MRPS24: variants seen among roughly 807,000 people sequenced by gnomAD.
The protein encoded by MRPS24 is mitochondrial ribosomal protein S24, also known as small ribosomal subunit protein uS3m.
A neutral mutation model predicts 21.8 loss-of-function variants in MRPS24; 15 were observed. The observed-to-expected ratio is 0.69, with a 90% confidence interval of 0.46 to 1.06. MRPS24 has a LOEUF of 1.06. Among genes scored for constraint, MRPS24 ranks in the 50% least tolerant of loss-of-function variants. The pLI is 0.00. For synonymous variants in MRPS24, 93 were observed against 93.7 expected, an observed-to-expected ratio of 0.99 and a Z score of 0.04; for missense variants, 224 against 219.1, an observed-to-expected ratio of 1.02 and a Z score of -0.14.
chr7:43,866,587 A>G lies in MRPS24; in HGVS notation c.*112T>C. ...ATAGAAGGTCTTTATTCAATAGCAG[A>G]TGAGAGACTATGCCTCAGTCCTCTG... On this transcript the variant is annotated 3_prime_UTR_variant, in exon 4 of 4. Coordinates refer to ENST00000317534, the MANE Select transcript of MRPS24 (RefSeq NM_032014.3). 1 of 1,221,756 alleles carries G rather than the reference A, an allele frequency of 8.2e-7. No homozygotes were observed. The highest frequency in any genetic ancestry group is 2.1e-5 in the Admixed American group (1 of 46,748). 75.7% of individuals were successfully genotyped at this position (1,221,756 alleles called of 1,614,324 possible).
Position 43,866,813 on chromosome 7 carries a change from G to C in MRPS24, c.390C>G (p.His130Gln), listed in dbSNP as rs1218509580. ...CAVVLRQLSPHKYYFLVGYSE... is the reference protein window; with the variant it reads ...CAVVLRQLSPQKYYFLVGYSE... ...TGTAGCCCACGAGGAAGTAGTACTTGTGTGGAGACAACTGCCTCAGGACCA... is the reference window on the plus strand; with the variant it reads ...TGTAGCCCACGAGGAAGTAGTACTTCTGTGGAGACAACTGCCTCAGGACCA... The change falls in exon 4 of 4, where the codon CAC becomes CAG. Residue 130 changes from histidine to glutamine, a missense_variant. By Grantham distance (24) the His-to-Gln change is conservative (BLOSUM62 0). Transcript: ENST00000317534. 17 of 1,614,248 alleles carry C rather than the reference G, an allele frequency of 1.1e-5. No individual in the cohort carries two copies. The highest frequency in any genetic ancestry group is 1.3e-5 in the Non-Finnish European group (15 of 1,180,038).
intron 3 of MRPS24, 39 bp downstream of exon 3, chr7:43,868,924 G>A (rs1290790133): frequency 1.2e-6 from 2 of 1,602,774 alleles, no homozygotes; most frequent in South Asian, 2.2e-5. Context: ...CATGACAGTC[G>A]GATTGAGTGC....
chr7:43,867,114 C>T, intron 3 of MRPS24, 132 bp from the exon 4 acceptor site: 1 of 872,728 alleles, frequency 1.1e-6, no homozygotes, highest in South Asian at 1.7e-5. Context: ...TTTTCTTCTG[C>T]TAATGGAATA....
Position 43,869,473 on chromosome 7 carries a change from C to G in MRPS24, c.23G>C (p.Gly8Ala). The G allele has an allele frequency of 3.2e-6, 5 of 1,569,300 alleles. No individual in the cohort carries two copies. Among genetic ancestry groups the G allele is most frequent in the Non-Finnish European group, 4.3e-6 (5 of 1,158,460 alleles). The change falls in exon 1 of 4, where the codon GGG (glycine) becomes GCG (alanine). Residue 8 changes from glycine (G) to alanine (A), a missense_variant. Physicochemically the swap from Gly to Ala is moderately conservative, Grantham distance 60. Transcript: ENST00000317534. This position sits in a 1 kb window ranked among gnomAD's most constrained non-coding sequence, Gnocchi z 4.8. MAASVCS[G>A]LLGPRVLSWS... ...CCCACTCACCCGTGGCCCCAGCAAC[C>G]CGCTGCACACGGAGGCCGCCATCTT...
chr7:43,869,139 C>G lies in MRPS24; in HGVS notation c.109-65G>C, dbSNP rs183695189. 2 of 1,541,074 alleles carry G rather than the reference C, an allele frequency of 1.3e-6. No homozygotes were observed. The highest frequency in any genetic ancestry group is 2.4e-5 in the East Asian group (1 of 41,926). Reference sequence around the variant, plus strand: ...TCCAGACCCCTACTTCGCGCCATGTCCCCCCAGTCAGCTGGCACTGTTCCC... The same window carrying G: ...TCCAGACCCCTACTTCGCGCCATGTGCCCCCAGTCAGCTGGCACTGTTCCC... On this transcript the variant is annotated intron_variant, in intron 2 of 3. Transcript: ENST00000317534. The surrounding 1 kb of genome is among the most constrained non-coding windows in gnomAD (Gnocchi z 4.8).
chr7:43,868,748 C>T, intron 3 of MRPS24: 1 of 525,856 alleles, frequency 1.9e-6, no homozygotes, highest in Non-Finnish European at 3.2e-6. Flanking sequence ...TCCCTGCCTG[C>T]CATGGAAAAA....
rs2095836544 is a variant in MRPS24, at chr7:43,866,662, C to T, written c.*37G>A. ...CATTCCTTTCCCACGTTTCCATTCT[C>T]TGCAGGCTACAGCTTGATGGAAAAA... On this transcript the variant is annotated 3_prime_UTR_variant, in exon 4 of 4. Transcript: ENST00000317534. The T allele has an allele frequency of 1.9e-6, 3 of 1,603,542 alleles. No homozygotes were observed. The African/African-American group carries it at 4.0e-5, about 21-fold the overall frequency.
In MRPS24 at chr7:43,869,301, T is replaced by A; in HGVS notation, c.108+7A>T. The A allele has an allele frequency of 2.5e-6, 3 of 1,209,726 alleles. No homozygotes were observed. The highest frequency in any genetic ancestry group is 3.3e-6 in the Non-Finnish European group (3 of 905,632). The allele number at this position is 1,209,726 out of a possible 1,614,324, so 74.9% of individuals were successfully genotyped here. ...GGCCCCCAGGCCCCTGCCCCGGCGG[T>A]GCTCACCTTGGCGCAGACCGGGGAG... is the stretch of plus-strand genomic sequence containing the variant. On this transcript the variant is annotated splice_region_variant and intron_variant, in intron 2 of 3. Coordinates refer to ENST00000317534, the MANE Select transcript of MRPS24 (RefSeq NM_032014.3). This position sits in a 1 kb window ranked among gnomAD's most constrained non-coding sequence, Gnocchi z 4.8.
At chr7:43,867,009 A>G in intron 3 of MRPS24, 27 bp from the exon 4 acceptor site, 1 of 1,607,904 alleles carries the variant, frequency 6.2e-7, no homozygotes, top group Non-Finnish European at 8.5e-7. Flanking sequence ...ATAATAGAAG[A>G]ATCAGCCTCA....
Position 43,869,136 on chromosome 7 carries a change from T to C in MRPS24, c.109-62A>G. 3 of 1,550,524 alleles carry C rather than the reference T, an allele frequency of 1.9e-6. No individual in the cohort carries two copies. Among genetic ancestry groups the C allele is most frequent in the Non-Finnish European group, 2.6e-6 (3 of 1,152,114 alleles). ...CGATCCAGACCCCTACTTCGCGCCA[T>C]GTCCCCCCAGTCAGCTGGCACTGTT... is the stretch of plus-strand genomic sequence containing the variant. On this transcript the variant is annotated intron_variant, in intron 2 of 3. Coordinates refer to ENST00000317534, the MANE Select transcript of MRPS24 (RefSeq NM_032014.3). This position sits in a 1 kb window ranked among gnomAD's most constrained non-coding sequence, Gnocchi z 4.8.
Position 43,869,254 on chromosome 7 carries a change from G to A in MRPS24, c.108+54C>T. On this transcript the variant is annotated intron_variant, in intron 2 of 3. Coordinates refer to ENST00000317534, the MANE Select transcript of MRPS24 (RefSeq NM_032014.3). This position sits in a 1 kb window ranked among gnomAD's most constrained non-coding sequence, Gnocchi z 4.8. ...CCCTTCAGCCCGCACGGCTTCCCCG[G>A]CCCCCGGCCCCCCGGCCCCCAGGCC... The A allele has an allele frequency of 6.8e-7, 1 of 1,475,064 alleles. No individual in the cohort carries two copies. The highest frequency in any genetic ancestry group is 9.0e-7 in the Non-Finnish European group (1 of 1,114,144). 91.4% of individuals were successfully genotyped at this position (1,475,064 alleles called of 1,614,324 possible).
intron 3 of MRPS24, 52 bp from the exon 4 acceptor site, chr7:43,867,034 T>G: frequency 1.9e-6 from 3 of 1,581,240 alleles, no homozygotes; most frequent in Non-Finnish European, 2.6e-6. Context: ...CCCAGGGCCC[T>G]GCCATAACTC....
At position 43,868,991 on chromosome 7, in the gene MRPS24, G is replaced by C. The variant is rs1194130706; in HGVS notation, c.192C>G (p.His64Gln). The change falls in exon 3 of 4, where the codon CAC (histidine) becomes CAG (glutamine). Residue 64 changes from histidine to glutamine, a missense_variant. By Grantham distance (24) the His-to-Gln change is conservative. Transcript: ENST00000317534. ...TGTGCAGCGACAGCCAGCCTTTACGGTGGGCGATGTAGTGCGGCGCGTGTG... is the reference window on the plus strand; with the variant it reads ...TGTGCAGCGACAGCCAGCCTTTACGCTGGGCGATGTAGTGCGGCGCGTGTG... Reference protein sequence around the residue: ...EEAHAPHYIAHRKGWLSLHTG... With the variant: ...EEAHAPHYIAQRKGWLSLHTG... The C allele has an allele frequency of 1.9e-6, 3 of 1,613,920 alleles. No individual in the cohort carries two copies. The African/African-American group carries it at 4.0e-5, about 22-fold the overall frequency.
chr7:43,868,741 C>A, intron 3 of MRPS24: 1 of 516,820 alleles, frequency 1.9e-6, no homozygotes, highest in Non-Finnish European at 3.3e-6. Flanking sequence ...AATTGAGTCC[C>A]TGCCTGCCAT....
In MRPS24 at chr7:43,866,653, T is replaced by C. The variant is rs760294900; in HGVS notation, c.*46A>G. ...CCCACATACCATTCCTTTCCCACGTTTCCATTCTCTGCAGGCTACAGCTTG... is the reference window on the plus strand; with the variant it reads ...CCCACATACCATTCCTTTCCCACGTCTCCATTCTCTGCAGGCTACAGCTTG... On this transcript the variant is annotated 3_prime_UTR_variant, in exon 4 of 4. Coordinates refer to ENST00000317534, the MANE Select transcript of MRPS24 (RefSeq NM_032014.3). 3 of 1,596,600 alleles carry C rather than the reference T, an allele frequency of 1.9e-6. No homozygotes were observed. In the Admixed American group the frequency reaches 5.0e-5, roughly 27 times the overall value.
At chr7:43,868,808 A>C in intron 3 of MRPS24, 155 bp downstream of exon 3, 1 of 985,624 alleles carries the variant, frequency 1.0e-6, no homozygotes, top group Non-Finnish European at 1.5e-6. Context: ...TGATCTATAT[A>C]TATCTCTGCT....
rs1361591032 is a variant in MRPS24, at chr7:43,866,878, C to T, written c.325G>A (p.Val109Ile). 3.7e-6 allele frequency: 6 copies of T among 1,614,112 alleles called. No individual in the cohort carries two copies. The highest frequency in any genetic ancestry group is 3.4e-6 in the Non-Finnish European group (4 of 1,180,048). ...AACTGGTTACCCCGGCGCTTTAAAACCAGCTGGTCAGCCAGGCAGCCTGGG... is the reference window on the plus strand; with the variant it reads ...AACTGGTTACCCCGGCGCTTTAAAATCAGCTGGTCAGCCAGGCAGCCTGGG... Reference protein sequence around the residue: ...TFPGCLADQLVLKRRGNQLEI... With the variant: ...TFPGCLADQLILKRRGNQLEI... The change falls in exon 4 of 4, where the codon GTT becomes ATT. Residue 109 changes from valine to isoleucine, a missense_variant. Physicochemically the swap from Val to Ile is conservative, Grantham distance 29 (BLOSUM62 3). Coordinates refer to ENST00000317534, the MANE Select transcript of MRPS24 (RefSeq NM_032014.3).
rs902312385 is a variant in MRPS24, at chr7:43,868,762, A to G, written c.220+201T>C. On this transcript the variant is annotated intron_variant, in intron 3 of 3. Coordinates refer to ENST00000317534, the MANE Select transcript of MRPS24 (RefSeq NM_032014.3). ...GTCCCTGCCTGCCATGGAAAAAGTC[A>G]GTTTTGCATCCATCTTCAAATTTGT... 5.2e-6 allele frequency: 3 copies of G among 582,014 alleles called. No homozygotes were observed. In the African/African-American group the frequency reaches 5.8e-5, roughly 11 times the overall value. The allele number at this position is 582,014 out of a possible 1,614,324, so 36.1% of individuals were successfully genotyped here. A position where few individuals can be genotyped will look rare whatever the true frequency, so the allele number is the denominator to read the frequency against.
chr7:43,869,043 C>G lies in MRPS24; in HGVS notation c.140G>C (p.Gly47Ala). 1.2e-6 allele frequency: 2 copies of G among 1,613,704 alleles called. No individual in the cohort carries two copies. Among genetic ancestry groups the G allele is most frequent in the East Asian group, 4.5e-5 (2 of 44,878 alleles). ...CTCCTCGTAGGTCACCGGCTTGTCC[C>G]CCTTGCTTACGCGTACTCGGGCCGC... ...NRAARVRVSK[G>A]DKPVTYEEAH... The change falls in exon 3 of 4, where the codon GGG (glycine) becomes GCG (alanine). Residue 47 changes from glycine to alanine, a missense_variant. Transcript: ENST00000317534. This position sits in a 1 kb window ranked among gnomAD's most constrained non-coding sequence, Gnocchi z 4.8.
Sources: allele counts gnomAD v4.1 joint callset, GRCh38; gene constraint gnomAD v4.1.1; non-coding constraint Gnocchi (gnomAD v3.1); transcripts MANE v1.5; gene names NCBI Gene and HGNC (gene_info 2026-07-23, HGNC 2026-07-21).